The following EPHA3 variants were observed in gnomAD, a reference collection of about 807,000 sequenced individuals.
EPHA3 encodes the protein ephrin type-A receptor 3.
Under a neutral mutation model 107.1 loss-of-function variants are expected in EPHA3, and 42 were observed. The ratio of observed to expected loss-of-function variants is 0.39; its 90% CI spans 0.31 to 0.51. The LOEUF is 0.51. Ranked by LOEUF, EPHA3 falls within the 20% of genes least tolerant of loss-of-function variation. The probability of loss-of-function intolerance (pLI) is 0.78; values close to 1 mark genes in which losing one functional copy is unlikely to be tolerated. For missense variants in EPHA3, 1,183 were observed against 1,211.2 expected, an observed-to-expected ratio of 0.98 and a Z score of 0.35; for synonymous variants, 461 against 424.8, an observed-to-expected ratio of 1.09 and a Z score of -1.05.
At chr3:89,413,653 G>C (rs1383615159) in intron 10 of EPHA3, among the ~76,000 whole-genome samples, 1 of 151,650 alleles carries the variant, frequency 6.6e-6, no homozygotes, top group African/African-American at 2.4e-5. Context: ...GGAATTAAAA[G>C]AACAAACAAC....
intron 2 of EPHA3, among the ~76,000 whole-genome samples, chr3:89,183,548 A>T (rs1367523449): frequency 6.6e-6 from 1 of 151,884 alleles, no homozygotes; most frequent in Non-Finnish European, 1.5e-5. Context: ...TAGGGTCTTA[A>T]TAATTATTGC....
intron 5 of EPHA3, among the ~76,000 whole-genome samples, chr3:89,380,753 C>T (rs990344588): frequency 6.7e-6 from 1 of 149,164 alleles, no homozygotes; most frequent in Non-Finnish European, 1.5e-5. Context: ...ACTCTTTAAA[C>T]AGCATAATAG....
At chr3:89,331,614 T>C (rs1707291709) in intron 3 of EPHA3, among the ~76,000 whole-genome samples, 1 of 152,174 alleles carries the variant, frequency 6.6e-6, no homozygotes, top group African/African-American at 2.4e-5. Flanking sequence ...TATTGATCCT[T>C]TAGAAATTAC....
chr3:89,155,071 T>C (rs1180298662), intron 2 of EPHA3, among the ~76,000 whole-genome samples: 1 of 151,572 alleles, frequency 6.6e-6, no homozygotes, highest in Non-Finnish European at 1.5e-5. Flanking sequence ...TGTGTATATG[T>C]CTGATAGTGC....
At chr3:89,235,233 G>C (rs1473890479) in intron 3 of EPHA3, among the ~76,000 whole-genome samples, 3 of 151,668 alleles carry the variant, frequency 2.0e-5, no homozygotes, top group Non-Finnish European at 4.4e-5. Flanking sequence ...GGATTTTCTT[G>C]ACAATAAATG....
chr3:89,107,869 C>T (rs754014926), intron 1 of EPHA3, 33 bp downstream of exon 1: 120 of 1,598,804 alleles, frequency 7.5e-5, no homozygotes, highest in Non-Finnish European at 9.3e-5. Flanking sequence ...CGGAGCTCTG[C>T]CCCGCGGGGC....
intron 3 of EPHA3, among the ~76,000 whole-genome samples, chr3:89,241,940 A>T (rs1704905922): frequency 6.6e-6 from 1 of 152,190 alleles, no homozygotes; most frequent in African/African-American, 2.4e-5. Flanking sequence ...ATAAAACCTC[A>T]AGCCTTAAGC....
At chr3:89,472,772 C>G (rs1005631921) in intron 16 of EPHA3, among the ~76,000 whole-genome samples, 153 bp downstream of exon 16, 1 of 152,042 alleles carries the variant, frequency 6.6e-6, no homozygotes, top group Non-Finnish European at 1.5e-5. Flanking sequence ...TAATCAGGGC[C>G]CTGGGTCTCC....
rs1365535216 is a variant in EPHA3, at chr3:89,369,952, A to G, written c.1307-25885A>G. Among the ~76,000 whole-genome samples the G allele has an allele frequency of 1.3e-5, 2 of 150,818 alleles. 1 individual carries two copies. Among genetic ancestry groups the G allele is most frequent in the Non-Finnish European group, 3.0e-5 (2 of 67,560 alleles). ...CAGAGAAATGCAAATCAAAACCACA[A>G]TCAGATACCATCTCACACCAATTAG... On this transcript the variant is annotated intron_variant, in intron 5 of 16. Coordinates refer to ENST00000336596, the MANE Select transcript of EPHA3 (RefSeq NM_005233.6).
intron 3 of EPHA3, among the ~76,000 whole-genome samples, chr3:89,219,688 G>GTTTTTTTTTTTGTTT (rs1704308493): frequency 2.9e-5 from 1 of 34,440 alleles, no homozygotes; most frequent in Non-Finnish European, 5.2e-5. Flanking sequence ...ATTTGGCAAT[G>GTTTTTTTTTTTGTTT]TTTTTTTTTT....
chr3:89,448,900 A>G (rs1278332699), intron 13 of EPHA3, among the ~76,000 whole-genome samples: 1 of 152,040 alleles, frequency 6.6e-6, no homozygotes, highest in Non-Finnish European at 1.5e-5. Context: ...AATACATGTC[A>G]TGTCACATCT....
intron 3 of EPHA3, among the ~76,000 whole-genome samples, chr3:89,288,093 CTCA>C (rs756778257): frequency 3.5e-4 from 53 of 151,850 alleles, no homozygotes; most frequent in Non-Finnish European, 6.3e-4. Context: ...AAGATGATTA[CTCA>C]TCATCTTTTG....
At chr3:89,394,192 C>T (rs76877971) in intron 5 of EPHA3, among the ~76,000 whole-genome samples, 1 of 152,286 alleles carries the variant, frequency 6.6e-6, no homozygotes, top group East Asian at 1.9e-4. Flanking sequence ...GGGAGAATCA[C>T]TTGAGCCCAG....
At chr3:89,439,791 C>A (rs1302897254) in intron 13 of EPHA3, among the ~76,000 whole-genome samples, 4 of 151,726 alleles carry the variant, frequency 2.6e-5, no homozygotes, top group Non-Finnish European at 4.4e-5. Flanking sequence ...ACTTACTCCC[C>A]GATGTTTGCA....
intron 3 of EPHA3, among the ~76,000 whole-genome samples, chr3:89,284,656 C>G (rs1384445130): frequency 6.6e-6 from 1 of 151,878 alleles, no homozygotes; most frequent in African/African-American, 2.4e-5. Flanking sequence ...TCCATCAGAC[C>G]CCTTCAATGG....
chr3:89,423,256 A>AT (rs1463595973), intron 11 of EPHA3, among the ~76,000 whole-genome samples: 1 of 151,318 alleles, frequency 6.6e-6, no homozygotes, highest in African/African-American at 2.4e-5. Flanking sequence ...CGTTAAGATG[A>AT]TTTTCATAAT....
chr3:89,189,019 A>AT (rs1340718875), intron 2 of EPHA3, among the ~76,000 whole-genome samples: 1 of 152,160 alleles, frequency 6.6e-6, no homozygotes, highest in Non-Finnish European at 1.5e-5. Context: ...TGCTTCTCTC[A>AT]TGTGCTATCT....
At chr3:89,145,965 A>G (rs1387036029) in intron 2 of EPHA3, among the ~76,000 whole-genome samples, 1 of 151,924 alleles carries the variant, frequency 6.6e-6, no homozygotes, top group Non-Finnish European at 1.5e-5. Context: ...TTAAAAATGA[A>G]TAGATGCTAA....
In EPHA3 at chr3:89,481,898, CAT is replaced by C. The variant is rs1328430908; in HGVS notation, c.*2401_*2402del. On this transcript the variant is annotated 3_prime_UTR_variant, in exon 17 of 17. Coordinates refer to ENST00000336596, the MANE Select transcript of EPHA3 (RefSeq NM_005233.6). ...TGTTTTGTATCTTAAATTTGATTTA[CAT>C]ATATTATTTATTTCTGGTAACTCAC... 8.7e-6 allele frequency: 2 copies of C among 228,690 alleles called. No individual in the cohort carries two copies. The highest frequency in any genetic ancestry group is 4.4e-5 in the African/African-American group (2 of 45,066). 14.2% of individuals were successfully genotyped at this position (228,690 alleles called of 1,614,324 possible). A position where few individuals can be genotyped will look rare whatever the true frequency, so the allele number is the denominator to read the frequency against.
Sources: allele counts gnomAD v4.1 joint callset (sites outside exome capture counted in the v4.1 genomes callset), GRCh38; gene constraint gnomAD v4.1.1; transcripts MANE v1.5; gene names NCBI Gene and HGNC (gene_info 2026-07-23, HGNC 2026-07-21).